ANK2: variants seen among roughly 807,000 people sequenced by gnomAD.
ANK2 encodes ankyrin-2.
Under a neutral mutation model 360.5 loss-of-function variants are expected in ANK2, and 83 were observed. That is an observed-to-expected ratio of 0.23 (90% CI 0.19 to 0.28). The LOEUF (loss-of-function observed/expected upper bound fraction) is 0.28, where lower values mean the gene tolerates loss of function less well. ANK2 is among the 10% of genes least tolerant of loss of function. The pLI, the probability that ANK2 is intolerant of heterozygous loss-of-function variation, is 1.00. For missense variants in ANK2, 4,201 were observed against 4,795.7 expected, an observed-to-expected ratio of 0.88 and a Z score of 3.66; for synonymous variants, 1,740 against 1,759.5, an observed-to-expected ratio of 0.99 and a Z score of 0.28.
At chr4:112,761,837 C>T in the ANK2 span, among the ~76,000 whole-genome samples, 3 of 152,158 alleles carry the variant, frequency 2.0e-5, no homozygotes, top group Non-Finnish European at 4.4e-5. Flanking sequence ...TCACTCTATT[C>T]TCCTATAAAC....
intron 13 of ANK2, 75 bp downstream of exon 13, chr4:113,258,486 G>A: frequency 1.4e-6 from 2 of 1,394,560 alleles, no homozygotes; most frequent in Non-Finnish European, 2.0e-6. Context: ...GTGTGTATGT[G>A]TGTTTGCGTG....
At chr4:113,207,930 G>A (rs904153561) in intron 4 of ANK2, among the ~76,000 whole-genome samples, 12 of 152,044 alleles carry the variant, frequency 7.9e-5, no homozygotes, top group African/African-American at 1.4e-4. Flanking sequence ...GCACATCAGC[G>A]GTCAGGGGAT....
At chr4:113,234,176 TC>T (rs1480099197) in intron 5 of ANK2, among the ~76,000 whole-genome samples, 1 of 152,214 alleles carries the variant, frequency 6.6e-6, no homozygotes, top group Admixed American at 6.5e-5. Context: ...GTCTCATGGC[TC>T]CTGGCTCTTT....
the ANK2 span, among the ~76,000 whole-genome samples, chr4:112,719,653 A>G: frequency 2.0e-5 from 3 of 149,130 alleles, no homozygotes; most frequent in East Asian, 2.0e-4. Context: ...GCGTGAACCC[A>G]GGGGGCGGAG....
chr4:113,195,123 T>A (rs2098729542), intron 2 of ANK2, among the ~76,000 whole-genome samples: 1 of 152,150 alleles, frequency 6.6e-6, no homozygotes, highest in Non-Finnish European at 1.5e-5. Context: ...TCATATTACA[T>A]ATCATTGTCA....
chr4:113,367,838 C>T lies in ANK2; in HGVS notation c.11305C>T (p.Gln3769Ter). 6.2e-7 allele frequency: 1 copy of T among 1,614,120 alleles called. No individual in the cohort carries two copies. The highest frequency in any genetic ancestry group is 8.5e-7 in the Non-Finnish European group (1 of 1,179,990). The stretch of plus-strand genomic sequence containing the variant: ...GCCTGAAGAGTCATCTCTGGAATAT[C>T]AGCAGGAATATTTGTGAGTTTCCAA... ...DLPEESSLEY[Q>*]QEYFVTTPGT... Residue 3769 changes from glutamine (Q) to a stop codon, truncating the protein, a stop_gained, in exon 42 of 46, where the codon CAG becomes TAG. Transcript: ENST00000357077. LOFTEE classifies it high-confidence loss of function.
At chr4:113,025,692 C>A (rs1470897801) in intron 2 of ANK2, among the ~76,000 whole-genome samples, 1 of 152,042 alleles carries the variant, frequency 6.6e-6, no homozygotes, top group Non-Finnish European at 1.5e-5. Flanking sequence ...TAATGAGTAC[C>A]TCTCTCTTTT....
At chr4:113,067,669 T>C (rs2076110436) in intron 1 of ANK2, among the ~76,000 whole-genome samples, 1 of 152,196 alleles carries the variant, frequency 6.6e-6, no homozygotes, top group African/African-American at 2.4e-5. Flanking sequence ...GTCTTCAGGT[T>C]GGAGGCAAAG....
At chr4:113,295,567 T>C (rs999663567) in intron 22 of ANK2, among the ~76,000 whole-genome samples, 9 of 152,164 alleles carry the variant, frequency 5.9e-5, no homozygotes, top group African/African-American at 2.2e-4. Flanking sequence ...TAGAACCCCC[T>C]CTGTGAGCTT....
chr4:113,184,394 A>T (rs1030425569), intron 2 of ANK2, among the ~76,000 whole-genome samples: 2 of 152,028 alleles, frequency 1.3e-5, no homozygotes, highest in African/African-American at 4.8e-5. Flanking sequence ...GACTTTGTGG[A>T]AACTATCTGG....
intron 10 of ANK2, among the ~76,000 whole-genome samples, chr4:113,253,137 G>A (rs540521882): frequency 1.3e-5 from 2 of 151,994 alleles, no homozygotes; most frequent in Non-Finnish European, 2.9e-5. Flanking sequence ...ATTCTCTCCC[G>A]TTACTATCAT....
chr4:113,177,851 C>T (rs2098274566), intron 2 of ANK2, among the ~76,000 whole-genome samples: 1 of 152,136 alleles, frequency 6.6e-6, no homozygotes, highest in Non-Finnish European at 1.5e-5. Flanking sequence ...GAAGTCAGCT[C>T]ACTTTAGAAA....
In ANK2 at chr4:113,353,752, C is replaced by A. The variant is rs201219746; in HGVS notation, c.5134C>A (p.Gln1712Lys). 43 of 1,613,468 alleles carry A rather than the reference C, an allele frequency of 2.7e-5. No homozygotes were observed. Among genetic ancestry groups the A allele is most frequent in the Non-Finnish European group, 3.5e-5 (41 of 1,179,870 alleles). ...AGTAAGAAGGAAATTAAAAGAAAAG[C>A]AGAAACAAAAAGAGGAAGGTTTACA... ...KPVRRKLKEK[Q>K]KQKEEGLQAS... Residue 1712 changes from glutamine to lysine, a missense_variant, in exon 38 of 46, where the codon CAG becomes AAG. Gln to Lys is a moderately conservative substitution (Grantham distance 53). This residue lies in a region of ANK2 where 2,642 missense variants were observed against 2,714.5 expected (regional missense o/e 0.97). Transcript: ENST00000357077.
In ANK2 at chr4:113,197,647, A is replaced by G. The variant is rs183275155; in HGVS notation, c.285+1181A>G. ...AGTTAACGTGGATTTCCAATGCCTC[A>G]TGCATAATTGACAAAATGTGCATTG... is the stretch of plus-strand genomic sequence containing the variant. On this transcript the variant is annotated intron_variant, in intron 3 of 45. Transcript: ENST00000357077. Among the ~76,000 whole-genome samples, 4 of 152,354 alleles carry G rather than the reference A, an allele frequency of 2.6e-5. No individual in the cohort carries two copies. In the East Asian group the frequency reaches 7.7e-4, roughly 29 times the overall value.
intron 1 of ANK2, chr4:113,116,858 T>G (rs533104667): frequency 5.7e-6 from 1 of 175,466 alleles, no homozygotes; most frequent in Non-Finnish European, 1.2e-5. Context: ...AGACACAGTC[T>G]GTCTGGAGGA....
At chr4:112,993,126 T>TA (rs1355811394) in intron 2 of ANK2, among the ~76,000 whole-genome samples, 19 of 149,308 alleles carry the variant, frequency 1.3e-4, no homozygotes, top group Admixed American at 8.0e-4. Flanking sequence ...CTACAAAAAA[T>TA]AAAAAAAAAT....
At chr4:113,297,536 C>G (rs1422912440) in intron 22 of ANK2, among the ~76,000 whole-genome samples, 3 of 151,972 alleles carry the variant, frequency 2.0e-5, no homozygotes, top group Admixed American at 2.0e-4. Context: ...TAAGTATGTA[C>G]AACTGTGTAT....
rs538991208 is a variant in ANK2 at position 113,315,669 on chromosome 4, T to C, written c.2694-2038T>C. On this transcript the variant is annotated intron_variant, in intron 24 of 45. Transcript: ENST00000357077. ...ATCCCAGCACTTTGGGAGGCCAAGGTGGGCGGATCACGAGGTCAGGAGATC... is the reference window on the plus strand; with the variant it reads ...ATCCCAGCACTTTGGGAGGCCAAGGCGGGCGGATCACGAGGTCAGGAGATC... 8.1e-4 allele frequency among the ~76,000 whole-genome samples: 123 copies of C among 152,056 alleles called. 1 individual carries two copies. The East Asian group carries it at 0.014, about 17-fold the overall frequency.
chr4:113,359,019 C>T lies in ANK2; in HGVS notation c.10401C>T (p.Phe3467=), dbSNP rs1338653823. ...TSPTKESKEH[F]FDLYRNSIEF... Reference sequence around the variant, plus strand: ...CCACAAAAGAAAGTAAGGAGCATTTCTTTGACCTTTACAGAAATTCCATAG... The same window carrying T: ...CCACAAAAGAAAGTAAGGAGCATTTTTTTGACCTTTACAGAAATTCCATAG... Residue 3467 remains phenylalanine (F), a synonymous_variant, in exon 38 of 46, where the codon TTC becomes TTT. Transcript: ENST00000357077. 1 of 1,614,104 alleles carries T rather than the reference C, an allele frequency of 6.2e-7. No homozygotes were observed. The highest frequency in any genetic ancestry group is 1.1e-5 in the South Asian group (1 of 91,082).
Sources: allele counts gnomAD v4.1 joint callset (sites outside exome capture counted in the v4.1 genomes callset), GRCh38; gene constraint gnomAD v4.1.1; regional missense constraint gnomAD v4.1.1; transcripts MANE v1.5; gene names NCBI Gene and HGNC (gene_info 2026-07-23, HGNC 2026-07-21).